The following GALNT17 variants were observed in gnomAD, a reference collection of about 807,000 sequenced individuals.
The protein encoded by GALNT17 is UDP-GalNAc:polypeptide N-acetylgalactosaminyltransferase-like 3.
GALNT17 carries 29 observed loss-of-function variants against 63.7 expected under a neutral mutation model. The observed-to-expected ratio is 0.46, with a 90% CI of 0.34 to 0.62. The LOEUF (loss-of-function observed/expected upper bound fraction) is 0.62. Among genes scored for constraint, GALNT17 ranks in the 20% least tolerant of loss-of-function variants. The pLI, the probability that GALNT17 is intolerant of heterozygous loss-of-function variation, is 0.01. For synonymous variants in GALNT17, 305 were observed against 318.3 expected (o/e 0.96, Z 0.45); for missense variants, 603 against 799.6 (o/e 0.75, Z 2.97).
At chr7:71,343,505 T>G (rs1320630900) in intron 2 of GALNT17, among the ~76,000 whole-genome samples, 1 of 152,222 alleles carries the variant, frequency 6.6e-6, no homozygotes, top group Non-Finnish European at 1.5e-5. Context: ...AATGCTGTTT[T>G]CCATTTTGTT....
rs921054362 is a variant in GALNT17 at position 71,367,478 on chromosome 7, C to A, written c.423-20757C>A. Among the ~76,000 whole-genome samples, 8 of 152,184 alleles carry A rather than the reference C, an allele frequency of 5.3e-5. No homozygotes were observed. The East Asian group carries it at 1.4e-3, about 26-fold the overall frequency. ...GGGAACCTATTTGGTATAGACCGAG[C>A]TTCCCTTCTGTTTGACATGTTTGTT... On this transcript the variant is annotated intron_variant, in intron 2 of 10. Transcript: ENST00000333538.
At chr7:71,439,763 A>C (rs1323316492) in intron 5 of GALNT17, among the ~76,000 whole-genome samples, 2 of 152,150 alleles carry the variant, frequency 1.3e-5, no homozygotes, top group Non-Finnish European at 2.9e-5. Context: ...GGAAGCAGCC[A>C]TCCCATTAAT....
At chr7:71,553,169 ATGCAAAAATTAT>A (rs1288159437) in intron 5 of GALNT17, among the ~76,000 whole-genome samples, 1 of 151,984 alleles carries the variant, frequency 6.6e-6, no homozygotes, top group African/African-American at 2.4e-5. Context: ...TTAAAAAAAA[ATGCAAAAATTAT>A]CTGAGTGTAG....
chr7:71,471,905 C>T (rs1787638343), intron 5 of GALNT17, among the ~76,000 whole-genome samples: 1 of 151,434 alleles, frequency 6.6e-6, no homozygotes, highest in South Asian at 2.1e-4. Context: ...CCTGTCTGCC[C>T]TCAGAAAGCC....
intron 6 of GALNT17, among the ~76,000 whole-genome samples, chr7:71,622,407 G>A (rs1404150869): frequency 6.6e-6 from 1 of 152,168 alleles, no homozygotes; most frequent in Non-Finnish European, 1.5e-5. Context: ...AAAGCAGCTG[G>A]AATCCTGAGT....
At chr7:71,297,057 G>T (rs1276265410) in intron 1 of GALNT17, among the ~76,000 whole-genome samples, 2 of 152,192 alleles carry the variant, frequency 1.3e-5, no homozygotes, top group Admixed American at 1.3e-4. Context: ...TATTGCTTAA[G>T]CCTTTTCTTA....
intron 1 of GALNT17, among the ~76,000 whole-genome samples, chr7:71,214,251 C>G (rs1409155250): frequency 6.6e-6 from 1 of 152,214 alleles, no homozygotes; most frequent in Admixed American, 6.5e-5. Context: ...TTAGGTCCTT[C>G]TGTTGCAGGT....
At chr7:71,181,436 C>T (rs564994419) in intron 1 of GALNT17, among the ~76,000 whole-genome samples, 1 of 152,110 alleles carries the variant, frequency 6.6e-6, no homozygotes, top group South Asian at 2.1e-4. Context: ...ATTCTTGACC[C>T]CAGGGCCTTT....
chr7:71,142,941 CAAAAA>C (rs58537746), intron 1 of GALNT17, among the ~76,000 whole-genome samples: 7 of 123,314 alleles, frequency 5.7e-5, no homozygotes, highest in Admixed American at 2.4e-4. Context: ...ACTCTTGTCT[CAAAAA>C]AAAAAAAAAA....
At chr7:71,140,009 AACAC>A (rs1423371522) in intron 1 of GALNT17, among the ~76,000 whole-genome samples, 2 of 150,400 alleles carry the variant, frequency 1.3e-5, no homozygotes, top group South Asian at 2.1e-4. Flanking sequence ...TAAACAAACA[AACAC>A]ACACCAAAAC....
chr7:71,289,315 T>A (rs1790934985), intron 1 of GALNT17, among the ~76,000 whole-genome samples: 1 of 152,198 alleles, frequency 6.6e-6, no homozygotes, highest in Admixed American at 6.5e-5. Flanking sequence ...ATTTTGCTTT[T>A]ATGTACATTT....
chr7:71,407,014 C>T (rs1583925141), intron 3 of GALNT17, among the ~76,000 whole-genome samples: 2 of 152,210 alleles, frequency 1.3e-5, no homozygotes, highest in African/African-American at 2.4e-5. Context: ...CCAAACTCTG[C>T]GTTGAAGACC....
At chr7:71,551,128 C>T (rs918007584) in intron 5 of GALNT17, among the ~76,000 whole-genome samples, 1 of 152,056 alleles carries the variant, frequency 6.6e-6, no homozygotes, top group African/African-American at 2.4e-5. Context: ...GTTGCCTACC[C>T]TCTTTTATTT....
At chr7:71,354,181 T>C (rs928375460) in intron 2 of GALNT17, among the ~76,000 whole-genome samples, 8 of 152,120 alleles carry the variant, frequency 5.3e-5, no homozygotes, top group Non-Finnish European at 1.0e-4. Flanking sequence ...CAACATGAAA[T>C]TTGGGTGGGG....
intron 7 of GALNT17, among the ~76,000 whole-genome samples, chr7:71,666,624 A>G (rs1257070732): frequency 6.6e-6 from 1 of 151,954 alleles, no homozygotes; most frequent in Non-Finnish European, 1.5e-5. Context: ...CTCATAGCTT[A>G]GCTCCCACAT....
intron 2 of GALNT17, among the ~76,000 whole-genome samples, chr7:71,369,116 A>G (rs1792569355): frequency 6.6e-6 from 1 of 152,226 alleles, no homozygotes; most frequent in African/African-American, 2.4e-5. Context: ...AAGTCCTAGA[A>G]TACTAGAACT....
intron 5 of GALNT17, among the ~76,000 whole-genome samples, chr7:71,525,235 G>A (rs867132218): frequency 1.3e-5 from 2 of 152,246 alleles, no homozygotes; most frequent in Middle Eastern, 3.4e-3. Flanking sequence ...GAGCGCACTG[G>A]TGTGATCGCT....
intron 1 of GALNT17, among the ~76,000 whole-genome samples, chr7:71,271,560 G>A (rs1287980999): frequency 1.3e-5 from 2 of 152,168 alleles, no homozygotes; most frequent in African/African-American, 4.8e-5. Context: ...ACTCATTCAG[G>A]TTTTTTATTT....
intron 9 of GALNT17, among the ~76,000 whole-genome samples, chr7:71,708,925 T>C (rs1268191846): frequency 6.6e-6 from 1 of 152,232 alleles, no homozygotes; most frequent in Non-Finnish European, 1.5e-5. Context: ...TATTCCATGG[T>C]GTATAGGTAC....
Sources: allele counts gnomAD v4.1 joint callset (sites outside exome capture counted in the v4.1 genomes callset), GRCh38; gene constraint gnomAD v4.1.1; transcripts MANE v1.5; gene names NCBI Gene and HGNC (gene_info 2026-07-23, HGNC 2026-07-21).